Variants in ATAT1 observed in about 807,000 individuals in gnomAD.
ATAT1 encodes alpha tubulin acetyltransferase 1.
In ATAT1, 42 loss-of-function variants were observed where a neutral mutation model predicts 57.2. The observed-to-expected ratio is 0.73, with a 90% CI of 0.57 to 0.95. The LOEUF is 0.95. ATAT1 is among the 40% of genes least tolerant of loss of function. ATAT1 has a pLI of 0.00. For synonymous variants in ATAT1, 168 were observed against 187.1 expected (o/e 0.90, Z 0.83); for missense variants, 454 against 523.7 (o/e 0.87, Z 1.30).
intron 6 of ATAT1, among the ~76,000 whole-genome samples, chr6:30,629,943 GTCCAGAATAATATGCATTCCCTGTCC>G (rs1186504442): frequency 6.6e-6 from 1 of 152,130 alleles, no homozygotes; most frequent in African/African-American, 2.4e-5. Flanking sequence ...TTTATTAAGG[GTCCAGAATAATATGCATTCCCTGTCC>G]TCATGGAGCT....
intron 12 of ATAT1, 80 bp downstream of exon 12, chr6:30,646,189 C>A: frequency 6.5e-7 from 1 of 1,544,740 alleles, no homozygotes. Context: ...TCACTTCCTA[C>A]TCTTAAATCT....
intron 6 of ATAT1, among the ~76,000 whole-genome samples, chr6:30,636,585 C>CA (rs1172863674): frequency 1.3e-5 from 2 of 149,472 alleles, no homozygotes; most frequent in Non-Finnish European, 3.0e-5. Flanking sequence ...GACACTGTCT[C>CA]AAAAAAAATA....
At chr6:30,644,572 TACTC>T (rs1166085827) in intron 10 of ATAT1, 1 of 985,356 alleles carries the variant, frequency 1.0e-6, no homozygotes, top group Non-Finnish European at 1.2e-6. Flanking sequence ...CCATCTCCCC[TACTC>T]ACTCTTCCCT....
At chr6:30,641,240 C>T (rs776265062) in intron 8 of ATAT1, among the ~76,000 whole-genome samples, 1 of 152,168 alleles carries the variant, frequency 6.6e-6, no homozygotes, top group Non-Finnish European at 1.5e-5. Context: ...ACAGAAGAGC[C>T]CCCTTCCTGA....
Position 30,627,879 on chromosome 6 carries a change from A to G in ATAT1, c.253A>G (p.Ile85Val). 1 of 1,613,042 alleles carries G rather than the reference A, an allele frequency of 6.2e-7. No individual in the cohort carries two copies. The highest frequency in any genetic ancestry group is 8.5e-7 in the Non-Finnish European group (1 of 1,180,026). The change falls in exon 4 of 13, where the codon ATC (isoleucine) becomes GTC (valine). Residue 85 changes from isoleucine (I) to valine (V), a missense_variant. Physicochemically the swap from Ile to Val is conservative, Grantham distance 29. This residue lies in a region of ATAT1 where 236 missense variants were observed against 284.5 expected (regional missense o/e 0.83). Transcript: ENST00000330083. ...TGGAAAAGGAGCCATTATTGGTTTCATCAAAGTTGGATACAAGAAGCTCTT... is the reference window on the plus strand; with the variant it reads ...TGGAAAAGGAGCCATTATTGGTTTCGTCAAAGTTGGATACAAGAAGCTCTT...
At position 30,627,256 on chromosome 6, in the gene ATAT1, G is replaced by A. The variant is rs1307797487; in HGVS notation, c.53G>A (p.Gly18Glu). Residue 18 changes from glycine to glutamate, a missense_variant, in exon 1 of 13, where the codon GGA becomes GAA. This residue lies in a region of ATAT1 where 236 missense variants were observed against 284.5 expected (regional missense o/e 0.83). Coordinates refer to ENST00000330083, the MANE Select transcript of ATAT1 (RefSeq NM_001031722.4). ...CTCACAATAACCTTAAGGGAGGAGG[G>A]AGTGTGCCACCTTGAAAGGTGTGAC... The A allele has an allele frequency of 2.5e-6, 4 of 1,613,934 alleles. No homozygotes were observed. The highest frequency in any genetic ancestry group is 4.5e-5 in the East Asian group (2 of 44,872).
rs1762064216 is a variant in ATAT1 at position 30,628,111 on chromosome 6, G to A, written c.365G>A (p.Gly122Asp). The A allele has an allele frequency of 6.2e-7, 1 of 1,613,010 alleles. No homozygotes were observed. The highest frequency in any genetic ancestry group is 8.5e-7 in the Non-Finnish European group (1 of 1,180,024). Residue 122 changes from glycine (G) to aspartate (D), a missense_variant, in exon 5 of 13, where the codon GGC (glycine) becomes GAC (aspartate). Gly to Asp is a moderately conservative substitution (Grantham distance 94, BLOSUM62 -1). This residue lies in a region of ATAT1 where 236 missense variants were observed against 284.5 expected (regional missense o/e 0.83). Transcript: ENST00000330083. ...ATCCATGAGTCTGTGCAACGCCATG[G>A]CCATGGGCGAGAACTCTTCCAGTAT...
At chr6:30,643,293 A>G in intron 10 of ATAT1, 2 of 1,421,822 alleles carry the variant, frequency 1.4e-6, no homozygotes, top group Non-Finnish European at 1.8e-6. Flanking sequence ...TTGGGGGAAC[A>G]GAGCCTTCTA....
At chr6:30,630,835 G>A (rs1452333302) in intron 6 of ATAT1, among the ~76,000 whole-genome samples, 2 of 151,980 alleles carry the variant, frequency 1.3e-5, no homozygotes, top group Non-Finnish European at 2.9e-5. Flanking sequence ...CTACTCGGGA[G>A]GCTGAGGCAG....
At chr6:30,645,319 G>A (rs1010595492) in intron 10 of ATAT1, among the ~76,000 whole-genome samples, 3 of 151,680 alleles carry the variant, frequency 2.0e-5, no homozygotes, top group Non-Finnish European at 4.4e-5. Flanking sequence ...GGGTTCAAGC[G>A]ATTCTCCTGC....
chr6:30,640,276 T>C, intron 6 of ATAT1, 101 bp from the exon 7 acceptor site: 2 of 1,290,314 alleles, frequency 1.6e-6, no homozygotes, highest in Non-Finnish European at 2.2e-6. Flanking sequence ...AAGTACACTC[T>C]GTGATGTTCA....
At chr6:30,634,665 AAAAAAAAAAAAAAAAAAACCTTGTTT>A (rs1380447891) in intron 6 of ATAT1, among the ~76,000 whole-genome samples, 46 of 78,730 alleles carry the variant, frequency 5.8e-4, no homozygotes, top group Non-Finnish European at 1.3e-3. Flanking sequence ...CAAAGGAGGA[AAAAAAAAAAAAAAAAAAACCTTGTTT>A]AAAAAAAAAA....
At chr6:30,634,794 C>G (rs1763700657) in intron 6 of ATAT1, among the ~76,000 whole-genome samples, 1 of 150,884 alleles carries the variant, frequency 6.6e-6, no homozygotes, top group Non-Finnish European at 1.5e-5. Context: ...CGAGACCATC[C>G]TGGCTAACAT....
At chr6:30,634,396 G>A (rs1488737857) in intron 6 of ATAT1, among the ~76,000 whole-genome samples, 4 of 151,538 alleles carry the variant, frequency 2.6e-5, no homozygotes, top group Non-Finnish European at 5.9e-5. Context: ...GATTACAGGC[G>A]CCCGCCACCA....
intron 6 of ATAT1, among the ~76,000 whole-genome samples, chr6:30,629,575 C>T (rs181865995): frequency 2.9e-4 from 42 of 146,096 alleles, no homozygotes; most frequent in Middle Eastern, 7.9e-3. Context: ...GAGACAGAGT[C>T]GCTCTGTCAC....
At chr6:30,629,339 G>A (rs1762358298) in intron 6 of ATAT1, among the ~76,000 whole-genome samples, 1 of 151,392 alleles carries the variant, frequency 6.6e-6, no homozygotes, top group South Asian at 2.1e-4. Context: ...TGCCTCCGGG[G>A]TTCAAGTGAT....
rs1185465654 is a variant in ATAT1, at chr6:30,627,269, T to G, written c.66T>G (p.Leu22=). ...TAAGGGAGGAGGGAGTGTGCCACCT[T>G]GAAAGGTGTGACAGAAGTTTGGGTT... is the stretch of plus-strand genomic sequence containing the variant. Residue 22 remains leucine, a synonymous_variant, in exon 1 of 13, where the codon CTT becomes CTG. Transcript: ENST00000330083. 4.3e-6 allele frequency: 7 copies of G among 1,613,864 alleles called. No individual in the cohort carries two copies. The highest frequency in any genetic ancestry group is 5.9e-6 in the Non-Finnish European group (7 of 1,179,870).
At chr6:30,632,778 GA>G (rs1214479221) in intron 6 of ATAT1, among the ~76,000 whole-genome samples, 1 of 148,434 alleles carries the variant, frequency 6.7e-6, no homozygotes, top group Admixed American at 6.7e-5. Flanking sequence ...ACTAAAAATA[GA>G]AAAAAAAATT....
rs770396180 is a variant in ATAT1, at chr6:30,627,215, C to T, written c.12C>T (p.Thr4=). The T allele has an allele frequency of 3.7e-6, 6 of 1,613,822 alleles. No individual in the cohort carries two copies. The highest frequency in any genetic ancestry group is 1.7e-5 in the Admixed American group (1 of 59,986). The change falls in exon 1 of 13, where the codon ACC becomes ACT. Residue 4 remains threonine (T), a synonymous_variant. Coordinates refer to ENST00000330083, the MANE Select transcript of ATAT1 (RefSeq NM_001031722.4). ...GTCCCAATCAAAGGATGTGGTTGAC[C>T]TGGCCTTTCTGCTTCCTCACAATAA...
Sources: allele counts gnomAD v4.1 joint callset (sites outside exome capture counted in the v4.1 genomes callset), GRCh38; gene constraint gnomAD v4.1.1; regional missense constraint gnomAD v4.1.1; transcripts MANE v1.5; gene names NCBI Gene and HGNC (gene_info 2026-07-23, HGNC 2026-07-21).